The following CPS1 variants were observed in gnomAD, a reference collection of about 807,000 sequenced individuals.
CPS1 encodes carbamoyl-phosphate synthase [ammonia], mitochondrial.
A neutral mutation model predicts 174.6 loss-of-function variants in CPS1; 109 were observed. The observed-to-expected ratio is 0.62, with a 90% CI of 0.53 to 0.73. The LOEUF (loss-of-function observed/expected upper bound fraction) is 0.73, where lower values mean the gene tolerates loss of function less well. Ranked by LOEUF, CPS1 falls within the 30% of genes least tolerant of loss-of-function variation. The probability of loss-of-function intolerance (pLI) is 0.00; values close to 1 mark genes in which losing one functional copy is unlikely to be tolerated. For missense variants in CPS1, 1,689 were observed against 1,821.9 expected (o/e 0.93, Z 1.33); for synonymous variants, 637 against 632.0 (o/e 1.01, Z -0.12).
chr2:210,643,723 G>C (rs987811739), intron 25 of CPS1, among the ~76,000 whole-genome samples: 2 of 152,068 alleles, frequency 1.3e-5, no homozygotes, highest in African/African-American at 4.8e-5. Context: ...TATAATTATA[G>C]TTGTCTACTT....
At chr2:210,593,746 T>A in intron 11 of CPS1, 2 of 731,470 alleles carry the variant, frequency 2.7e-6, no homozygotes, top group Non-Finnish European at 3.3e-6. Context: ...TGAATTGCCG[T>A]TTTAGATATT....
chr2:210,587,242 A>G (rs1267246666), intron 6 of CPS1, among the ~76,000 whole-genome samples: 1 of 152,106 alleles, frequency 6.6e-6, no homozygotes, highest in Admixed American at 6.6e-5. Context: ...CTCAGTTTGT[A>G]CTTTTCATCT....
chr2:210,496,159 C>T (rs1157270912), intron 1 of CPS1, among the ~76,000 whole-genome samples: 2 of 151,788 alleles, frequency 1.3e-5, no homozygotes, highest in African/African-American at 4.8e-5. Context: ...AGCAGGGGCA[C>T]TAGAAGCTTC....
intron 1 of CPS1, among the ~76,000 whole-genome samples, chr2:210,565,642 A>G (rs969631551): frequency 3.3e-5 from 5 of 152,218 alleles, no homozygotes; most frequent in Non-Finnish European, 7.4e-5. Flanking sequence ...ATGAGATTCA[A>G]ACAAAATCTC....
chr2:210,672,570 A>T (rs1474300968), intron 34 of CPS1: 1 of 152,232 alleles, frequency 6.6e-6, no homozygotes, highest in East Asian at 1.9e-4. Context: ...TCTGAGGAGA[A>T]TGAAACTTGA....
chr2:210,492,753 G>A (rs79562785), intron 1 of CPS1, among the ~76,000 whole-genome samples: 1,862 of 152,126 alleles, frequency 0.012, 33 homozygotes, highest in African/African-American at 0.042. Context: ...TGGCTATCTA[G>A]TGAAGCCTAT....
chr2:210,543,497 C>T (rs373783838), intron 1 of CPS1, among the ~76,000 whole-genome samples: 15 of 151,922 alleles, frequency 9.9e-5, no homozygotes, highest in East Asian at 7.8e-4. Context: ...CCCACATGAC[C>T]CATTTAATTA....
chr2:210,519,684 GCC>G (rs1176884788), intron 1 of CPS1: 1 of 936,324 alleles, frequency 1.1e-6, no homozygotes, highest in African/African-American at 1.8e-5. Flanking sequence ...CGTGACCCAA[GCC>G]CCACCAGTCA....
chr2:210,504,668 G>A (rs1479428877), intron 1 of CPS1, among the ~76,000 whole-genome samples: 1 of 152,176 alleles, frequency 6.6e-6, no homozygotes, highest in Non-Finnish European at 1.5e-5. Context: ...TTCTCCAATT[G>A]GATAGTTGTT....
intron 34 of CPS1, chr2:210,674,684 G>A (rs1036999096): frequency 8.6e-6 from 5 of 579,218 alleles, no homozygotes; most frequent in Non-Finnish European, 1.5e-5. Flanking sequence ...GTGAAAAGCA[G>A]GGATCAAGAT....
chr2:210,594,100 CTG>C (rs1053759216), intron 11 of CPS1, among the ~76,000 whole-genome samples: 1 of 151,616 alleles, frequency 6.6e-6, no homozygotes, highest in Non-Finnish European at 1.5e-5. Flanking sequence ...TCTTCAGAAA[CTG>C]TTTTTTAGAG....
chr2:210,504,493 G>T (rs1695227694), intron 1 of CPS1, among the ~76,000 whole-genome samples: 1 of 152,168 alleles, frequency 6.6e-6, no homozygotes, highest in African/African-American at 2.4e-5. Flanking sequence ...TTTTACAGAT[G>T]AAGAAATTGA....
chr2:210,602,937 T>C (rs1439283626), intron 16 of CPS1, among the ~76,000 whole-genome samples: 1 of 151,978 alleles, frequency 6.6e-6, no homozygotes, highest in Non-Finnish European at 1.5e-5. Context: ...AAAATCACTT[T>C]AACATATTAG....
At chr2:210,511,422 A>C (rs2105975363) in intron 1 of CPS1, among the ~76,000 whole-genome samples, 1 of 152,206 alleles carries the variant, frequency 6.6e-6, no homozygotes, top group Non-Finnish European at 1.5e-5. Context: ...TAGGAGATAT[A>C]CCTAATGCTA....
At chr2:210,596,070 T>G (rs951561846) in intron 13 of CPS1, among the ~76,000 whole-genome samples, 1 of 151,820 alleles carries the variant, frequency 6.6e-6, no homozygotes, top group Non-Finnish European at 1.5e-5. Context: ...TATCTGTCAC[T>G]GGGGGACACA....
chr2:210,664,641 T>A (rs1403982108), intron 33 of CPS1, among the ~76,000 whole-genome samples: 1 of 152,110 alleles, frequency 6.6e-6, no homozygotes, highest in East Asian at 1.9e-4. Flanking sequence ...GCATGGCAAA[T>A]TTGTTTTCAG....
At chr2:210,571,756 T>C (rs946820466) in intron 1 of CPS1, among the ~76,000 whole-genome samples, 2 of 151,966 alleles carry the variant, frequency 1.3e-5, no homozygotes, top group African/African-American at 2.4e-5. Context: ...GCTTTCTTCA[T>C]TTTAACATTT....
chr2:210,613,430 A>AAG (rs1699196435), intron 20 of CPS1, among the ~76,000 whole-genome samples: 1 of 151,956 alleles, frequency 6.6e-6, no homozygotes, highest in Admixed American at 6.6e-5. Flanking sequence ...CAAGGTAATT[A>AAG]GAATTTTTCT....
Position 210,592,959 on chromosome 2 carries a change from A to G in CPS1, c.1164+3A>G, listed in dbSNP as rs369054521. 8.1e-6 allele frequency: 13 copies of G among 1,611,424 alleles called. No homozygotes were observed. The highest frequency in any genetic ancestry group is 2.2e-5 in the East Asian group (1 of 44,776). ...CCCCGGGGCCAATAGACACTGAGGTACGTCAAAAAGATGAGGCCTATTATG... is the reference window on the plus strand; with the variant it reads ...CCCCGGGGCCAATAGACACTGAGGTGCGTCAAAAAGATGAGGCCTATTATG... On this transcript the variant is annotated splice_donor_region_variant and intron_variant, in intron 11 of 37. Coordinates refer to ENST00000233072, the MANE Select transcript of CPS1 (RefSeq NM_001875.5).
Sources: gnomAD v4.1 joint callset for allele counts (sites outside exome capture counted in the v4.1 genomes callset) on GRCh38, gnomAD v4.1.1 for gene constraint, MANE v1.5 for transcripts, NCBI Gene and HGNC (gene_info 2026-07-23, HGNC 2026-07-21) for gene names.